KLHDC1: variants seen among roughly 807,000 people sequenced by gnomAD.
KLHDC1 encodes kelch domain-containing protein 1.
In KLHDC1, 53 loss-of-function variants were observed where a neutral mutation model predicts 68.3. The observed-to-expected ratio is 0.78, with a 90% CI of 0.62 to 0.98. The LOEUF (loss-of-function observed/expected upper bound fraction) is 0.98, where lower values mean the gene tolerates loss of function less well. KLHDC1 is among the 50% of genes least tolerant of loss of function. The pLI is 0.00. For missense variants in KLHDC1, 470 were observed against 492.3 expected, an observed-to-expected ratio of 0.95 and a Z score of 0.43; for synonymous variants, 148 against 159.0, an observed-to-expected ratio of 0.93 and a Z score of 0.52.
At chr14:49,694,278 AC>A (rs1219383191) in intron 1 of KLHDC1, among the ~76,000 whole-genome samples, 1 of 152,110 alleles carries the variant, frequency 6.6e-6, no homozygotes, top group Non-Finnish European at 1.5e-5. Flanking sequence ...CTATATGCCA[AC>A]CCTCTTAGTT....
chr14:49,744,642 A>G (rs1031992256), intron 12 of KLHDC1, among the ~76,000 whole-genome samples: 4 of 152,038 alleles, frequency 2.6e-5, no homozygotes, highest in Non-Finnish European at 4.4e-5. Context: ...AATAATCTCT[A>G]TATTACTCAT....
intron 4 of KLHDC1, among the ~76,000 whole-genome samples, chr14:49,713,503 G>A (rs555715777): frequency 9.2e-5 from 14 of 151,800 alleles, no homozygotes; most frequent in African/African-American, 2.2e-4. Context: ...TGATTCTTTC[G>A]CCTTTAGAAT....
At chr14:49,710,465 A>G (rs1888170804) in intron 4 of KLHDC1, 84 bp downstream of exon 4, 2 of 719,600 alleles carry the variant, frequency 2.8e-6, no homozygotes, top group Non-Finnish European at 2.4e-6. Context: ...GCTTAAAGGT[A>G]TGAGTTTTTT....
At chr14:49,744,292 ATGTGTGTG>A (rs36219162) in intron 12 of KLHDC1, among the ~76,000 whole-genome samples, 161 of 150,634 alleles carry the variant, frequency 1.1e-3, no homozygotes, top group African/African-American at 2.6e-3. Context: ...GCCTGTATAT[ATGTGTGTG>A]TGTGTGTGTG....
chr14:49,732,960 G>C, intron 9 of KLHDC1, 144 bp downstream of exon 9: 2 of 587,488 alleles, frequency 3.4e-6, no homozygotes, highest in East Asian at 5.8e-5. Context: ...CATGAATTAT[G>C]ATCTCCTTGC....
chr14:49,729,591 T>C, intron 8 of KLHDC1, 43 bp downstream of exon 8: 1 of 1,185,956 alleles, frequency 8.4e-7, no homozygotes. Flanking sequence ...TAGGCATGTG[T>C]ATGTGTCTGT....
intron 4 of KLHDC1, among the ~76,000 whole-genome samples, chr14:49,713,084 G>C (rs1888250584): frequency 1.3e-5 from 2 of 151,694 alleles, no homozygotes; most frequent in South Asian, 4.2e-4. Flanking sequence ...CGAGTAGCTG[G>C]AACTACGGGC....
chr14:49,711,271 G>A (rs1414619427), intron 4 of KLHDC1, among the ~76,000 whole-genome samples: 7 of 149,736 alleles, frequency 4.7e-5, no homozygotes, highest in Non-Finnish European at 1.0e-4. Flanking sequence ...GCGCAATCTC[G>A]GCTCACTGCA....
At position 49,694,019 on chromosome 14, in the gene KLHDC1, T is replaced by C. The variant is rs183299622; in HGVS notation, c.96+729T>C. Among the ~76,000 whole-genome samples, 141 of 152,202 alleles carry C rather than the reference T, an allele frequency of 9.3e-4. 1 individual carries two copies. The highest frequency in any genetic ancestry group is 3.3e-3 in the African/African-American group (137 of 41,550). ...CGCCCGCCTTGGCTTCCCAAAATGCTGGGATTACAGGCATTAGCCACTGTG... is the reference window on the plus strand; with the variant it reads ...CGCCCGCCTTGGCTTCCCAAAATGCCGGGATTACAGGCATTAGCCACTGTG... On this transcript the variant is annotated intron_variant, in intron 1 of 12. Transcript: ENST00000359332.
chr14:49,729,997 A>G (rs1888763258), intron 8 of KLHDC1, among the ~76,000 whole-genome samples: 2 of 152,220 alleles, frequency 1.3e-5, no homozygotes, highest in South Asian at 4.1e-4. Flanking sequence ...ACCATTAAAT[A>G]CCATAAAACC....
At chr14:49,741,945 C>G (rs1002946103) in intron 11 of KLHDC1, among the ~76,000 whole-genome samples, 1 of 152,152 alleles carries the variant, frequency 6.6e-6, no homozygotes, top group Non-Finnish European at 1.5e-5. Context: ...TCTTGAGGCA[C>G]AGTTATCTCC....
In KLHDC1 at chr14:49,702,757, A is replaced by G. The variant is rs190081950; in HGVS notation, c.97-6402A>G. Among the ~76,000 whole-genome samples, 60 of 152,338 alleles carry G rather than the reference A, an allele frequency of 3.9e-4. 2 individuals are homozygous for G. The highest frequency in any genetic ancestry group is 3.4e-3 in the Middle Eastern group (1 of 294). On this transcript the variant is annotated intron_variant, in intron 1 of 12. Transcript: ENST00000359332. The stretch of plus-strand genomic sequence containing the variant: ...AACTTTTCCTGCCTTACTTGCAGCT[A>G]GGTTGCAGGCAAGTGGCTAGGACTC...
chr14:49,729,447 A>C, intron 7 of KLHDC1, 43 bp from the exon 8 acceptor site: 4 of 1,346,434 alleles, frequency 3.0e-6, no homozygotes, highest in South Asian at 1.2e-5. Context: ...TTAGCTGATA[A>C]AAGATGTGAA....
chr14:49,745,121 A>C lies in KLHDC1; in HGVS notation c.1034+1316A>C, dbSNP rs184214235. Among the ~76,000 whole-genome samples the C allele has an allele frequency of 2.9e-3, 449 of 152,342 alleles. 3 individuals carry two copies. Among genetic ancestry groups the C allele is most frequent in the African/African-American group, 0.01 (434 of 41,566 alleles). Reference sequence around the variant, plus strand: ...TAACATAAGTGAAGACATATGAGAAAGAGAGAGATAAAGAGAGGGGACAAG... The same window carrying C: ...TAACATAAGTGAAGACATATGAGAACGAGAGAGATAAAGAGAGGGGACAAG... On this transcript the variant is annotated intron_variant, in intron 12 of 12. Transcript: ENST00000359332.
At position 49,701,543 on chromosome 14, in the gene KLHDC1, C is replaced by T. The variant is rs138718916; in HGVS notation, c.97-7616C>T. Among the ~76,000 whole-genome samples, 785 of 152,076 alleles carry T rather than the reference C, an allele frequency of 5.2e-3. 6 individuals carry two copies. Among genetic ancestry groups the T allele is most frequent in the African/African-American group, 0.018 (749 of 41,488 alleles). On this transcript the variant is annotated intron_variant, in intron 1 of 12. Coordinates refer to ENST00000359332, the MANE Select transcript of KLHDC1 (RefSeq NM_172193.3). ...TCGTGGTGGTGCATGCCTGTAATCC[C>T]AGCTACTCAGGAGGCTGAGGCAGGA...
At chr14:49,746,928 C>T (rs1489995821) in intron 12 of KLHDC1, among the ~76,000 whole-genome samples, 2 of 151,698 alleles carry the variant, frequency 1.3e-5, no homozygotes, top group African/African-American at 4.8e-5. Flanking sequence ...ACCCTTCCAC[C>T]CTTCCAGTTT....
In KLHDC1 at chr14:49,714,432, C is replaced by G. The variant is rs527560027; in HGVS notation, c.404+4051C>G. On this transcript the variant is annotated intron_variant, in intron 4 of 12. Coordinates refer to ENST00000359332, the MANE Select transcript of KLHDC1 (RefSeq NM_172193.3). ...AGGTTGCAGTGAGCCGAGATCGCGC[C>G]ATTGCACTCGAGCCTGGGTAACAGA... Among the ~76,000 whole-genome samples, 124 of 151,264 alleles carry G rather than the reference C, an allele frequency of 8.2e-4. 1 individual carries two copies. Among genetic ancestry groups the G allele is most frequent in the African/African-American group, 2.8e-3 (117 of 41,240 alleles).
Position 49,751,805 on chromosome 14 carries a change from T to A in KLHDC1, c.*33T>A. ...TATACTTTACATATTTAGTATGTTT[T>A]AACTTTTTAATCAGACTATACATTT... On this transcript the variant is annotated 3_prime_UTR_variant, in exon 13 of 13. Transcript: ENST00000359332. 8.5e-7 allele frequency: 1 copy of A among 1,182,814 alleles called. No homozygotes were observed. The highest frequency in any genetic ancestry group is 1.2e-6 in the Non-Finnish European group (1 of 854,554). The allele number at this position is 1,182,814 out of a possible 1,614,324, so 73.3% of individuals were successfully genotyped here.
At chr14:49,747,622 T>C (rs1648281899) in intron 12 of KLHDC1, among the ~76,000 whole-genome samples, 1 of 152,144 alleles carries the variant, frequency 6.6e-6, no homozygotes, top group South Asian at 2.1e-4. Flanking sequence ...ATTGAGAAGT[T>C]CTAGTTGATA....
Sources: gnomAD v4.1 joint callset for allele counts (sites outside exome capture counted in the v4.1 genomes callset) on GRCh38, gnomAD v4.1.1 for gene constraint, MANE v1.5 for transcripts, NCBI Gene and HGNC (gene_info 2026-07-23, HGNC 2026-07-21) for gene names.